Variants in PCDH15 observed in about 807,000 individuals in gnomAD.
PCDH15 encodes the protein protocadherin-15.
PCDH15 carries 129 observed loss-of-function variants against 178.5 expected under a neutral mutation model. That is an observed-to-expected ratio of 0.72 (90% CI 0.63 to 0.84). The LOEUF (loss-of-function observed/expected upper bound fraction) is 0.84, where lower values mean the gene tolerates loss of function less well. Ranked by LOEUF, PCDH15 falls within the 40% of genes least tolerant of loss-of-function variation. The pLI, the probability that PCDH15 is intolerant of heterozygous loss-of-function variation, is 0.00. For synonymous variants in PCDH15, 800 were observed against 732.0 expected (o/e 1.09, Z -1.50); for missense variants, 2,230 against 2,099.9 (o/e 1.06, Z -1.21).
intron 8 of PCDH15, among the ~76,000 whole-genome samples, chr10:54,287,438 T>C (rs531715186): frequency 6.6e-6 from 1 of 152,324 alleles, no homozygotes; most frequent in East Asian, 1.9e-4. Flanking sequence ...AAATGCCTTT[T>C]TTTCTGCAAA....
chr10:54,425,947 T>C (rs746713577), intron 3 of PCDH15, among the ~76,000 whole-genome samples: 2 of 152,164 alleles, frequency 1.3e-5, no homozygotes, highest in Non-Finnish European at 2.9e-5. Context: ...AAGCCATGGA[T>C]AAACTTAAGT....
intron 2 of PCDH15, among the ~76,000 whole-genome samples, chr10:55,165,111 A>C (rs1839162711): frequency 6.6e-6 from 1 of 152,190 alleles, no homozygotes; most frequent in South Asian, 2.1e-4. Flanking sequence ...TCATAAACTC[A>C]CCTGAACTCT....
intron 2 of PCDH15, among the ~76,000 whole-genome samples, chr10:55,506,978 G>A (rs759536509): frequency 4.0e-5 from 6 of 151,414 alleles, no homozygotes; most frequent in Middle Eastern, 3.4e-3. Flanking sequence ...CATAAAAAAC[G>A]TGGAATATTT....
In PCDH15 at chr10:54,111,729, T is replaced by C. The variant is rs2095026854; in HGVS notation, c.1917+21146A>G. ...AGAAATCTAAAAGCACAGCAGATAA[T>C]AGGGAATAAAGGTCTATTTGAAGTG... On this transcript the variant is annotated intron_variant, in intron 15 of 37. Coordinates refer to ENST00000644397, the MANE Select transcript of PCDH15 (RefSeq NM_001384140.1). Among the ~76,000 whole-genome samples the C allele has an allele frequency of 2.0e-5, 3 of 152,086 alleles. No homozygotes were observed. The South Asian group carries it at 6.2e-4, about 32-fold the overall frequency.
At chr10:54,751,823 T>G (rs1342834759) in intron 1 of PCDH15, among the ~76,000 whole-genome samples, 1 of 152,144 alleles carries the variant, frequency 6.6e-6, no homozygotes, top group East Asian at 1.9e-4. Context: ...CCCATCAGAT[T>G]AGCAACAAAT....
intron 3 of PCDH15, among the ~76,000 whole-genome samples, chr10:54,500,406 C>G (rs2080556837): frequency 6.6e-6 from 1 of 152,028 alleles, no homozygotes; most frequent in African/African-American, 2.4e-5. Flanking sequence ...GCAATTTACC[C>G]ATGTAATAAA....
At chr10:54,006,278 A>T (rs569262650) in intron 20 of PCDH15, among the ~76,000 whole-genome samples, 1 of 152,302 alleles carries the variant, frequency 6.6e-6, no homozygotes, top group Admixed American at 6.5e-5. Flanking sequence ...TAATATAAAG[A>T]ACACACCAAT....
At position 54,089,990 on chromosome 10, in the gene PCDH15, G is replaced by GAAGT; in HGVS notation, c.1990_1991insACTT (p.Ser664TyrfsTer20). 6.2e-7 allele frequency: 1 copy of GAAGT among 1,607,606 alleles called. No individual in the cohort carries two copies. The highest frequency in any genetic ancestry group is 8.5e-7 in the Non-Finnish European group (1 of 1,174,520). On this transcript the variant is annotated frameshift_variant, in exon 16 of 38. Coordinates refer to ENST00000644397, the MANE Select transcript of PCDH15 (RefSeq NM_001384140.1). LOFTEE classifies it high-confidence loss of function. ...GAAATCATTTTTAACTTACGTTTCTGAAAGATTAAAAACTCTCTGAGGATC... is the reference window on the plus strand; with the variant it reads ...GAAATCATTTTTAACTTACGTTTCTGAAGTAAAGATTAAAAACTCTCTGAGGATC...
chr10:54,129,414 ACATTTC>A (rs2133009267), intron 15 of PCDH15, among the ~76,000 whole-genome samples: 1 of 152,342 alleles, frequency 6.6e-6, no homozygotes, highest in East Asian at 1.9e-4. Context: ...TATTAGAAAA[ACATTTC>A]CCTAGATAGA....
At chr10:54,193,413 T>C (rs1056253054) in intron 11 of PCDH15, among the ~76,000 whole-genome samples, 1 of 152,214 alleles carries the variant, frequency 6.6e-6, no homozygotes, top group Non-Finnish European at 1.5e-5. Context: ...CCACCAGTTC[T>C]ATTAAGGTAT....
intron 3 of PCDH15, among the ~76,000 whole-genome samples, chr10:54,883,622 G>A (rs959796408): frequency 1.3e-5 from 2 of 151,902 alleles, no homozygotes; most frequent in African/African-American, 4.8e-5. Flanking sequence ...TAAAAGGAAA[G>A]AGTAATGTAT....
chr10:53,936,963 A>G (rs2085633718), intron 25 of PCDH15, among the ~76,000 whole-genome samples: 1 of 152,134 alleles, frequency 6.6e-6, no homozygotes, highest in Non-Finnish European at 1.5e-5. Flanking sequence ...TTAGAAATAT[A>G]TGGGTTTTTA....
intron 3 of PCDH15, among the ~76,000 whole-genome samples, chr10:54,473,412 T>G (rs1206719994): frequency 1.3e-5 from 2 of 152,070 alleles, no homozygotes; most frequent in East Asian, 3.8e-4. Flanking sequence ...AAGAAAGAGT[T>G]GGAGAGAAAA....
At chr10:53,861,565 A>T (rs181836777) in intron 27 of PCDH15, among the ~76,000 whole-genome samples, 1 of 152,294 alleles carries the variant, frequency 6.6e-6, no homozygotes, top group East Asian at 1.9e-4. Flanking sequence ...ACGAATACAA[A>T]TCACATATGT....
intron 2 of PCDH15, among the ~76,000 whole-genome samples, chr10:55,411,515 C>T (rs139060037): frequency 2.8e-4 from 43 of 152,116 alleles, no homozygotes; most frequent in African/African-American, 1.0e-3. Flanking sequence ...ACACTTCTGC[C>T]CCTAAACTAC....
chr10:53,862,461 C>T (rs1490818246), intron 27 of PCDH15, among the ~76,000 whole-genome samples: 3 of 152,150 alleles, frequency 2.0e-5, no homozygotes, highest in South Asian at 4.1e-4. Flanking sequence ...TATCAACACA[C>T]TTCATTACAC....
intron 2 of PCDH15, among the ~76,000 whole-genome samples, chr10:54,957,054 G>T (rs970230623): frequency 6.6e-6 from 1 of 151,600 alleles, no homozygotes; most frequent in African/African-American, 2.4e-5. Context: ...ACTGCTATTT[G>T]TGTTACAGTT....
chr10:54,103,580 C>G (rs2094852401), intron 15 of PCDH15, among the ~76,000 whole-genome samples: 1 of 152,128 alleles, frequency 6.6e-6, no homozygotes, highest in Non-Finnish European at 1.5e-5. Context: ...AGGACCCACC[C>G]AGCAGGGATG....
At chr10:54,748,924 T>C (rs767610602) in intron 1 of PCDH15, among the ~76,000 whole-genome samples, 3 of 152,218 alleles carry the variant, frequency 2.0e-5, no homozygotes, top group Non-Finnish European at 2.9e-5. Context: ...ATATTATGCT[T>C]TCTAACTCTC....
Sources: gnomAD v4.1 joint callset for allele counts (sites outside exome capture counted in the v4.1 genomes callset) on GRCh38, gnomAD v4.1.1 for gene constraint, MANE v1.5 for transcripts, NCBI Gene and HGNC (gene_info 2026-07-23, HGNC 2026-07-21) for gene names.